Variants in DPP6 observed in about 807,000 individuals in gnomAD.
The protein encoded by DPP6 is A-type potassium channel modulatory protein DPP6.
A neutral mutation model predicts 122.6 loss-of-function variants in DPP6; 69 were observed. That is an observed-to-expected ratio of 0.56 (90% confidence interval 0.46 to 0.69). The LOEUF (loss-of-function observed/expected upper bound fraction) is 0.69, where lower values mean the gene tolerates loss of function less well. DPP6 is among the 30% of genes least tolerant of loss of function. The pLI is 0.00. For synonymous variants in DPP6, 418 were observed against 433.1 expected, an observed-to-expected ratio of 0.97 and a Z score of 0.43; for missense variants, 928 against 1,116.9, an observed-to-expected ratio of 0.83 and a Z score of 2.41.
chr7:154,516,276 T>G (rs1826497180), intron 3 of DPP6, among the ~76,000 whole-genome samples: 1 of 151,950 alleles, frequency 6.6e-6, no homozygotes, highest in African/African-American at 2.4e-5. Context: ...TTTTTTTTTT[T>G]TGGTCCAGAC....
intron 5 of DPP6, among the ~76,000 whole-genome samples, chr7:154,575,463 G>GTATGT (rs1831565663): frequency 1.5e-3 from 35 of 22,748 alleles, no homozygotes; most frequent in African/African-American, 4.9e-3. Flanking sequence ...TGTGTGNGCG[G>GTATGT]GTGTATGTGT....
chr7:154,438,330 C>T (rs907302494), intron 1 of DPP6, among the ~76,000 whole-genome samples: 19 of 151,316 alleles, frequency 1.3e-4, no homozygotes, highest in African/African-American at 7.3e-5. Context: ...ATTAGCCGGG[C>T]GTGGTGGCGG....
chr7:153,823,303 C>G, the DPP6 span, among the ~76,000 whole-genome samples: 1 of 151,812 alleles, frequency 6.6e-6, no homozygotes, highest in African/African-American at 2.4e-5. Context: ...AAGCCTGGCC[C>G]AGGCTCACCT....
At chr7:154,635,631 G>A (rs1835685772) in intron 5 of DPP6, among the ~76,000 whole-genome samples, 1 of 152,138 alleles carries the variant, frequency 6.6e-6, no homozygotes, top group Admixed American at 6.6e-5. Flanking sequence ...AGTCACTGTG[G>A]GTCAGGAACT....
At chr7:153,951,460 C>T (rs1163814110) in intron 1 of DPP6, among the ~76,000 whole-genome samples, 2 of 152,098 alleles carry the variant, frequency 1.3e-5, no homozygotes, top group African/African-American at 4.8e-5. Context: ...GGATTGAGCT[C>T]CACTCTTTTC....
intron 1 of DPP6, among the ~76,000 whole-genome samples, chr7:154,325,783 T>G (rs992152432): frequency 6.6e-6 from 1 of 152,196 alleles, no homozygotes; most frequent in Non-Finnish European, 1.5e-5. Context: ...CACTTATATT[T>G]TCTGTCATAC....
chr7:154,233,184 C>T (rs1334767442), intron 1 of DPP6, among the ~76,000 whole-genome samples: 1 of 152,040 alleles, frequency 6.6e-6, no homozygotes, highest in Non-Finnish European at 1.5e-5. Context: ...TTGAGAAAAG[C>T]TGGAATAGAA....
intron 7 of DPP6, among the ~76,000 whole-genome samples, chr7:154,701,516 T>G (rs1328374817): frequency 3.3e-5 from 5 of 152,218 alleles, no homozygotes; most frequent in African/African-American, 1.2e-4. Context: ...TGTCATTTGC[T>G]AGGGTGAGGG....
chr7:154,258,021 G>C (rs1053654045), intron 1 of DPP6, among the ~76,000 whole-genome samples: 5 of 152,106 alleles, frequency 3.3e-5, no homozygotes, highest in African/African-American at 1.2e-4. Flanking sequence ...TCCCAATGCA[G>C]TAGTTTTAAA....
At chr7:154,779,034 C>CTAT (rs1796809777) in intron 10 of DPP6, among the ~76,000 whole-genome samples, 5 of 151,614 alleles carry the variant, frequency 3.3e-5, no homozygotes, top group East Asian at 1.9e-4. Flanking sequence ...ACCTCCACCA[C>CTAT]CACCACCACA....
rs571068844 is a variant in DPP6 at position 154,007,582 on chromosome 7, G to A, written c.51+119848G>A. On this transcript the variant is annotated intron_variant, in intron 1 of 25. Coordinates refer to the DPP6 transcript ENST00000404039. ...TATTCCTGTCCCCATTTTAGATGAG[G>A]CCGCAAGTACTTAGAGTGAAAATTT... 4.6e-3 allele frequency among the ~76,000 whole-genome samples: 704 copies of A among 152,266 alleles called. 3 individuals carry two copies. Among genetic ancestry groups the A allele is most frequent in the African/African-American group, 0.016 (660 of 41,542 alleles).
At chr7:153,982,755 A>C (rs1203592343) in intron 1 of DPP6, among the ~76,000 whole-genome samples, 2 of 151,962 alleles carry the variant, frequency 1.3e-5, no homozygotes, top group Non-Finnish European at 2.9e-5. Context: ...GTTTATGTCG[A>C]TGCTATTCCT....
intron 1 of DPP6, among the ~76,000 whole-genome samples, chr7:154,265,627 T>C (rs1008547869): frequency 6.6e-6 from 1 of 152,224 alleles, no homozygotes; most frequent in Non-Finnish European, 1.5e-5. Context: ...AAAAAAATCC[T>C]TAAATGATAA....
intron 1 of DPP6, among the ~76,000 whole-genome samples, chr7:154,302,377 A>T (rs1805969106): frequency 6.6e-6 from 1 of 152,174 alleles, no homozygotes; most frequent in Non-Finnish European, 1.5e-5. Flanking sequence ...TTTTGTTTTT[A>T]AAAACAGCCA....
intron 4 of DPP6, among the ~76,000 whole-genome samples, chr7:154,548,477 G>A (rs1042321154): frequency 1.3e-5 from 2 of 149,778 alleles, no homozygotes; most frequent in South Asian, 2.1e-4. Flanking sequence ...ACAGTGAGCC[G>A]AGATGGTGCC....
At chr7:154,671,527 G>A (rs1369420949) in intron 7 of DPP6, among the ~76,000 whole-genome samples, 1 of 152,166 alleles carries the variant, frequency 6.6e-6, no homozygotes. Context: ...GTCTGCACAT[G>A]CAAATAAACC....
chr7:154,030,982 A>C (rs1799194496), intron 1 of DPP6, among the ~76,000 whole-genome samples: 1 of 151,980 alleles, frequency 6.6e-6, no homozygotes, highest in South Asian at 2.1e-4. Flanking sequence ...CCATCTGGTT[A>C]CTTTTAGCTC....
chr7:154,136,486 G>C lies in DPP6; in HGVS notation c.243+83423G>C, dbSNP rs141401322. Among the ~76,000 whole-genome samples the C allele has an allele frequency of 6.0e-3, 918 of 152,266 alleles. 13 individuals carry two copies. Among genetic ancestry groups the C allele is most frequent in the African/African-American group, 0.021 (886 of 41,546 alleles). On this transcript the variant is annotated intron_variant, in intron 1 of 25. Transcript: ENST00000377770. Reference sequence around the variant, plus strand: ...ATCTTTATTCCAGATTTTTGAAAAGGTGCGCGGTGCATTTCATTTAGTCCG... The same window carrying C: ...ATCTTTATTCCAGATTTTTGAAAAGCTGCGCGGTGCATTTCATTTAGTCCG...
chr7:154,558,664 T>C (rs1160829227), intron 4 of DPP6, among the ~76,000 whole-genome samples: 1 of 152,252 alleles, frequency 6.6e-6, no homozygotes, highest in Admixed American at 6.5e-5. Context: ...GCTTGGAGCC[T>C]TGGAGCAATA....
Sources: allele counts gnomAD v4.1 joint callset (sites outside exome capture counted in the v4.1 genomes callset), GRCh38; gene constraint gnomAD v4.1.1; transcripts MANE v1.5; gene names NCBI Gene and HGNC (gene_info 2026-07-23, HGNC 2026-07-21).